Variants in DYRK3 observed in about 807,000 individuals in gnomAD.
The protein encoded by DYRK3 is dual specificity tyrosine-phosphorylation-regulated kinase 3.
Under a neutral mutation model 40.8 loss-of-function variants are expected in DYRK3, and 30 were observed. The ratio of observed to expected loss-of-function variants is 0.74; its 90% CI spans 0.55 to 1.00. DYRK3 has a LOEUF of 1.00. Among genes scored for constraint, DYRK3 ranks in the 50% least tolerant of loss-of-function variants. The pLI is 0.00. For missense variants in DYRK3, 699 were observed against 731.5 expected, an observed-to-expected ratio of 0.96 and a Z score of 0.51; for synonymous variants, 272 against 260.7, an observed-to-expected ratio of 1.04 and a Z score of -0.42.
chr1:206,648,965 G>A lies in DYRK3; in HGVS notation c.1767G>A (p.Ter589=), dbSNP rs781981992. 3.7e-6 allele frequency: 6 copies of A among 1,606,756 alleles called. No individual in the cohort carries two copies. The highest frequency in any genetic ancestry group is 3.3e-5 in the Admixed American group (2 of 59,900). ...GTGTATTGCCAAAACTGATTAGCTA[G>A]TGGACAGAGATATGCCCAGAGATGC... ...LCSVLPKLIS[*] is the part of the protein sequence containing the mutation. The change falls in exon 3 of 3, where the codon TAG becomes TAA. Residue 589 remains the stop codon, a stop_retained_variant. Coordinates refer to ENST00000367109, the MANE Select transcript of DYRK3 (RefSeq NM_003582.4).
rs1012632171 is a variant in DYRK3, at chr1:206,653,181, C to G, written c.*4216C>G. 6.6e-6 allele frequency among the ~76,000 whole-genome samples: 1 copy of G among 152,090 alleles called. No homozygotes were observed. Among genetic ancestry groups the G allele is most frequent in the African/African-American group, 2.4e-5 (1 of 41,386 alleles). Reference sequence around the variant, plus strand: ...TACAGTCACGTGCTACCATGCCTGGCTAATTTTTTGTATATCTGTAGAGAG... The same window carrying G: ...TACAGTCACGTGCTACCATGCCTGGGTAATTTTTTGTATATCTGTAGAGAG... On this transcript the variant is annotated 3_prime_UTR_variant, in exon 3 of 3. Coordinates refer to ENST00000367109, the MANE Select transcript of DYRK3 (RefSeq NM_003582.4).
chr1:206,636,050 CG>C (rs1432869924), intron 1 of DYRK3: 3 of 1,483,390 alleles, frequency 2.0e-6, no homozygotes, highest in Non-Finnish European at 2.7e-6. Context: ...AACCCTAGAT[CG>C]GGGTATATGT....
Position 206,635,673 on chromosome 1 carries a change from C to T in DYRK3, c.-31C>T. On this transcript the variant is annotated 5_prime_UTR_variant, in exon 1 of 3. Coordinates refer to ENST00000367109, the MANE Select transcript of DYRK3 (RefSeq NM_003582.4). ...TGGCCGACCGGACCCCCAACTGGCGCCTCTCCCCGCGCGGGGTCCCGAGCT... is the reference window on the plus strand; with the variant it reads ...TGGCCGACCGGACCCCCAACTGGCGTCTCTCCCCGCGCGGGGTCCCGAGCT... 13 of 1,245,608 alleles carry T rather than the reference C, an allele frequency of 1.0e-5. No individual in the cohort carries two copies. Among genetic ancestry groups the T allele is most frequent in the Non-Finnish European group, 1.2e-5 (12 of 989,382 alleles). 77.2% of individuals were successfully genotyped at this position (1,245,608 alleles called of 1,614,324 possible).
chr1:206,647,727 A>G lies in DYRK3; in HGVS notation c.529A>G (p.Lys177Glu). Residue 177 changes from lysine to glutamate, a missense_variant, in exon 3 of 3, where the codon AAA becomes GAA. Physicochemically the swap from Lys to Glu is moderately conservative, Grantham distance 56. Coordinates refer to ENST00000367109, the MANE Select transcript of DYRK3 (RefSeq NM_003582.4). ...EIYFVGPNAK[K>E]RHGVIGGPNN... Reference sequence around the variant, plus strand: ...TTACTTTGTAGGTCCAAATGCCAAGAAAAGACATGGAGTTATTGGTGGTCC... The same window carrying G: ...TTACTTTGTAGGTCCAAATGCCAAGGAAAGACATGGAGTTATTGGTGGTCC... 2.5e-6 allele frequency: 4 copies of G among 1,614,182 alleles called. No homozygotes were observed. The highest frequency in any genetic ancestry group is 3.4e-6 in the Non-Finnish European group (4 of 1,180,032).
intron 2 of DYRK3, 123 bp downstream of exon 2, chr1:206,637,884 T>A (rs1456911839): frequency 1.5e-6 from 1 of 647,792 alleles, no homozygotes; most frequent in Non-Finnish European, 2.6e-6. Flanking sequence ...ATTTTTGATT[T>A]CTCTTGACTT....
Position 206,647,816 on chromosome 1 carries a change from T to G in DYRK3, c.618T>G (p.Ala206=). 1 of 1,614,132 alleles carries G rather than the reference T, an allele frequency of 6.2e-7. No homozygotes were observed. Among genetic ancestry groups the G allele is most frequent in the Non-Finnish European group, 8.5e-7 (1 of 1,180,020 alleles). The change falls in exon 3 of 3, where the codon GCT becomes GCG. Residue 206 remains alanine (A), a synonymous_variant. Coordinates refer to ENST00000367109, the MANE Select transcript of DYRK3 (RefSeq NM_003582.4). ...AYIHVPRDHL[A]YRYEVLKIIG... is the part of the protein sequence containing the mutation. The stretch of plus-strand genomic sequence containing the variant: ...TTCATGTACCTCGAGACCATCTAGC[T>G]TATCGATATGAGGTGCTGAAAATTA...
chr1:206,647,153 T>C lies in DYRK3; in HGVS notation c.190-235T>C, dbSNP rs575098397. Reference sequence around the variant, plus strand: ...GGGGGCATGGTAAGATCATCTTGTCTTGAACAAAGCAAGGCATGTATGGGG... The same window carrying C: ...GGGGGCATGGTAAGATCATCTTGTCCTGAACAAAGCAAGGCATGTATGGGG... On this transcript the variant is annotated intron_variant, in intron 2 of 2. Transcript: ENST00000367109. 2.0e-5 allele frequency among the ~76,000 whole-genome samples: 3 copies of C among 152,158 alleles called. No homozygotes were observed. In the South Asian group the frequency reaches 6.2e-4, roughly 32 times the overall value.
At chr1:206,635,841 C>A in intron 1 of DYRK3, 61 bp downstream of exon 1, 1 of 1,240,288 alleles carries the variant, frequency 8.1e-7, no homozygotes, top group Non-Finnish European at 1.0e-6. Flanking sequence ...CGCTGGCAAG[C>A]GAAGCTTGGG....
rs1489219212 is a variant in DYRK3 at position 206,654,426 on chromosome 1, T to C, written c.*5461T>C. Reference sequence around the variant, plus strand: ...ATGGAAAACCTGGAGTCAGTACAAATAAGGAGTAAGAAAAGGCCAGGGATT... The same window carrying C: ...ATGGAAAACCTGGAGTCAGTACAAACAAGGAGTAAGAAAAGGCCAGGGATT... On this transcript the variant is annotated 3_prime_UTR_variant, in exon 3 of 3. Coordinates refer to ENST00000367109, the MANE Select transcript of DYRK3 (RefSeq NM_003582.4). 6.6e-6 allele frequency among the ~76,000 whole-genome samples: 1 copy of C among 152,192 alleles called. No homozygotes were observed. The highest frequency in any genetic ancestry group is 2.4e-5 in the African/African-American group (1 of 41,444).
Position 206,652,082 on chromosome 1 carries a change from T to G in DYRK3, c.*3117T>G, listed in dbSNP as rs1390682712. 2.6e-5 allele frequency among the ~76,000 whole-genome samples: 4 copies of G among 152,172 alleles called. No homozygotes were observed. The highest frequency in any genetic ancestry group is 9.7e-5 in the African/African-American group (4 of 41,444). On this transcript the variant is annotated 3_prime_UTR_variant, in exon 3 of 3. Transcript: ENST00000367109. Reference sequence around the variant, plus strand: ...TTGGAACTGCTGCTAAAGCCATGTGTGGGGTGGCGAGCACATCTTTAGGTG... The same window carrying G: ...TTGGAACTGCTGCTAAAGCCATGTGGGGGGTGGCGAGCACATCTTTAGGTG...
At chr1:206,636,969 G>A (rs1387334298) in intron 1 of DYRK3, 1 of 1,599,078 alleles carries the variant, frequency 6.3e-7, no homozygotes, top group African/African-American at 1.3e-5. Context: ...GGAAAGAGAA[G>A]TAAATTCAAT....
intron 1 of DYRK3, chr1:206,636,794 C>A: frequency 2.4e-6 from 2 of 829,322 alleles, no homozygotes; most frequent in Non-Finnish European, 3.6e-6. Context: ...AATCCGTGTT[C>A]TTGGTAGCAG....
chr1:206,639,391 T>C (rs1405841996), intron 2 of DYRK3, among the ~76,000 whole-genome samples: 2 of 152,156 alleles, frequency 1.3e-5, no homozygotes, highest in African/African-American at 4.8e-5. Context: ...TTGCTGCCAA[T>C]TGGTTCACCT....
chr1:206,648,322 A>G lies in DYRK3; in HGVS notation c.1124A>G (p.Tyr375Cys), dbSNP rs781841170. ...KLYTYIQSRF[Y>C]RAPEIILGSR... ...TACACATATATCCAGTCTCGGTTCT[A>G]CAGAGCTCCAGAAATCATCTTAGGA... The change falls in exon 3 of 3, where the codon TAC becomes TGC. Residue 375 changes from tyrosine to cysteine, a missense_variant. Coordinates refer to ENST00000367109, the MANE Select transcript of DYRK3 (RefSeq NM_003582.4). The G allele has an allele frequency of 6.2e-7, 1 of 1,614,158 alleles. No individual in the cohort carries two copies. The highest frequency in any genetic ancestry group is 8.5e-7 in the Non-Finnish European group (1 of 1,180,026).
Position 206,648,647 on chromosome 1 carries a change from G to A in DYRK3, c.1449G>A (p.Trp483Ter), listed in dbSNP as rs1671540384. The A allele has an allele frequency of 2.5e-6, 4 of 1,613,890 alleles. No individual in the cohort carries two copies. Among genetic ancestry groups the A allele is most frequent in the African/African-American group, 1.3e-5 (1 of 75,020 alleles). Reference protein sequence around the residue: ...KKRGPPGSKDWGTALKGCDDY... With the variant: ...KKRGPPGSKD ...GGGGTCCCCCAGGCAGCAAAGACTG[G>A]GGGACAGCACTGAAAGGGTGTGATG... The change falls in exon 3 of 3, where the codon TGG (tryptophan) becomes TGA (stop). Residue 483 changes from tryptophan (W) to a stop codon, truncating the protein, a stop_gained. Coordinates refer to ENST00000367109, the MANE Select transcript of DYRK3 (RefSeq NM_003582.4). LOFTEE classifies it high-confidence loss of function.
Position 206,647,867 on chromosome 1 carries a change from G to A in DYRK3, c.669G>A (p.Val223=), listed in dbSNP as rs782780676. 2 of 1,614,050 alleles carry A rather than the reference G, an allele frequency of 1.2e-6. No individual in the cohort carries two copies. The highest frequency in any genetic ancestry group is 1.7e-6 in the Non-Finnish European group (2 of 1,180,022). The change falls in exon 3 of 3, where the codon GTG becomes GTA. Residue 223 remains valine, a synonymous_variant. Transcript: ENST00000367109. ...KIIGKGSFGQ[V]ARVYDHKLRQ... ...TTGGCAAGGGGAGTTTTGGGCAGGT[G>A]GCCAGGGTCTATGATCACAAACTTC...
intron 2 of DYRK3, among the ~76,000 whole-genome samples, chr1:206,641,772 T>C (rs1431554203): frequency 1.3e-5 from 2 of 150,482 alleles, no homozygotes; most frequent in African/African-American, 5.0e-5. Flanking sequence ...TATGCAAAAA[T>C]TAATTCAAGA....
chr1:206,647,458 A>G lies in DYRK3; in HGVS notation c.260A>G (p.Gln87Arg). The change falls in exon 3 of 3, where the codon CAG (glutamine) becomes CGG (arginine). Residue 87 changes from glutamine to arginine, a missense_variant. Physicochemically the swap from Gln to Arg is conservative, Grantham distance 43. Transcript: ENST00000367109. ...GATGGAGGTGAGATGAAGGTAGAAC[A>G]GCTGTTTCAAGAATTTGGCAACAGA... ...FLDGGEMKVE[Q>R]LFQEFGNRKS... 6.2e-7 allele frequency: 1 copy of G among 1,614,194 alleles called. No homozygotes were observed. Among genetic ancestry groups the G allele is most frequent in the Non-Finnish European group, 8.5e-7 (1 of 1,180,030 alleles).
At position 206,652,415 on chromosome 1, in the gene DYRK3, C is replaced by A. The variant is rs781872683; in HGVS notation, c.*3450C>A. ...AAGGGGCCTGTGGCTGAGGTTGGTG[C>A]GTGCTCTATTTCTGTGTATCGAATG... On this transcript the variant is annotated 3_prime_UTR_variant, in exon 3 of 3. Coordinates refer to ENST00000367109, the MANE Select transcript of DYRK3 (RefSeq NM_003582.4). Among the ~76,000 whole-genome samples the A allele has an allele frequency of 2.6e-5, 4 of 152,062 alleles. No homozygotes were observed. The highest frequency in any genetic ancestry group is 4.8e-5 in the African/African-American group (2 of 41,368).
Sources: allele counts gnomAD v4.1 joint callset (sites outside exome capture counted in the v4.1 genomes callset), GRCh38; gene constraint gnomAD v4.1.1; transcripts MANE v1.5; gene names NCBI Gene and HGNC (gene_info 2026-07-23, HGNC 2026-07-21).